RBP2: variants seen among roughly 807,000 people sequenced by gnomAD.
The protein encoded by RBP2 is retinol binding protein 2, also known as retinol-binding protein 2.
Under a neutral mutation model 17.0 loss-of-function variants are expected in RBP2, and 17 were observed. The ratio of observed to expected loss-of-function variants is 1.00; its 90% CI spans 0.68 to 1.50. The LOEUF is 1.50. Ranked by LOEUF, RBP2 falls within the 40% of genes most tolerant of loss-of-function variation. The pLI is 0.00. For synonymous variants in RBP2, 48 were observed against 57.1 expected (o/e 0.84, Z 0.72); for missense variants, 158 against 168.2 (o/e 0.94, Z 0.33).
chr3:139,453,272 A>C lies in RBP2; in HGVS notation c.355-106T>G, dbSNP rs932623162. 4.7e-6 allele frequency: 6 copies of C among 1,273,556 alleles called. No homozygotes were observed. In the East Asian group the frequency reaches 1.2e-4, roughly 25 times the overall value. 78.9% of individuals were successfully genotyped at this position (1,273,556 alleles called of 1,614,324 possible). Reference sequence around the variant, plus strand: ...GGTGGGAGGTTGGAATAAAGAGGACACTTAGGTATTCTGGGCAAAGTGCAT... The same window carrying C: ...GGTGGGAGGTTGGAATAAAGAGGACCCTTAGGTATTCTGGGCAAAGTGCAT... On this transcript the variant is annotated intron_variant, in intron 3 of 3. Transcript: ENST00000232217.
At chr3:139,475,092 C>T (rs764675000) in intron 1 of RBP2, among the ~76,000 whole-genome samples, 6 of 151,860 alleles carry the variant, frequency 4.0e-5, no homozygotes, top group East Asian at 3.9e-4. Context: ...GAGGCCGAGG[C>T]GGGTGGATCA....
chr3:139,464,180 C>T (rs1933284663), intron 1 of RBP2, among the ~76,000 whole-genome samples: 1 of 152,172 alleles, frequency 6.6e-6, no homozygotes, highest in African/African-American at 2.4e-5. Context: ...TTCTTTGGGT[C>T]TGGGCCTGGT....
chr3:139,473,790 G>A (rs1933640333), intron 1 of RBP2, among the ~76,000 whole-genome samples: 1 of 152,140 alleles, frequency 6.6e-6, no homozygotes, highest in Non-Finnish European at 1.5e-5. Context: ...ATGTTCCCAC[G>A]GCAGGTTGAG....
Position 139,469,687 on chromosome 3 carries a change from GTCTATCTATCTA to G in RBP2, c.73+6688_73+6699del, listed in dbSNP as rs543597083. On this transcript the variant is annotated intron_variant, in intron 1 of 3. Transcript: ENST00000232217. The stretch of plus-strand genomic sequence containing the variant: ...TATCTGTCTGTCTGTCTGTCTGTCT[GTCTATCTATCTA>G]TCTATCTATCTATCTATCTATCTAT... Among the ~76,000 whole-genome samples the G allele has an allele frequency of 2.5e-3, 336 of 132,976 alleles. 1 individual carries two copies. Among genetic ancestry groups the G allele is most frequent in the African/African-American group, 9.3e-3 (301 of 32,310 alleles). 87.2% of individuals were successfully genotyped at this position (132,976 alleles called of 152,430 possible). A position where few individuals can be genotyped will look rare whatever the true frequency, so the allele number is the denominator to read the frequency against.
intron 1 of RBP2, among the ~76,000 whole-genome samples, chr3:139,467,981 C>A (rs1278675819): frequency 6.6e-6 from 1 of 152,136 alleles, no homozygotes; most frequent in African/African-American, 2.4e-5. Context: ...CTTCTCCAGT[C>A]CTTTGTGCTA....
Position 139,476,418 on chromosome 3 carries a change from A to G in RBP2, c.42T>C (p.Asn14=). 1 of 1,613,320 alleles carries G rather than the reference A, an allele frequency of 6.2e-7. No individual in the cohort carries two copies. The highest frequency in any genetic ancestry group is 1.7e-5 in the Admixed American group (1 of 59,922). The stretch of plus-strand genomic sequence containing the variant: ...CCTTCATGTAGCCCTCAAAGTTTTC[A>G]TTACTCTCCATCTCCCAGGTTCCAT... ...DQNGTWEMES[N]ENFEGYMKAL... The change falls in exon 1 of 4, where the codon AAT becomes AAC. Residue 14 remains asparagine (N), a synonymous_variant. Coordinates refer to ENST00000232217, the MANE Select transcript of RBP2 (RefSeq NM_004164.3).
intron 2 of RBP2, among the ~76,000 whole-genome samples, chr3:139,456,678 G>T (rs546681316): frequency 6.6e-6 from 1 of 152,286 alleles, no homozygotes; most frequent in South Asian, 2.1e-4. Flanking sequence ...TTGTCCCTGA[G>T]GAGAGAACTT....
chr3:139,454,500 T>C (rs1202341141), intron 3 of RBP2, among the ~76,000 whole-genome samples: 1 of 152,232 alleles, frequency 6.6e-6, no homozygotes, highest in Non-Finnish European at 1.5e-5. Context: ...ACTCAGCATT[T>C]TGAACTTTCT....
At chr3:139,454,264 T>C (rs556804982) in intron 3 of RBP2, among the ~76,000 whole-genome samples, 1 of 152,326 alleles carries the variant, frequency 6.6e-6, no homozygotes, top group South Asian at 2.1e-4. Context: ...TAAAATATTT[T>C]GGGGTCAGAA....
chr3:139,465,208 G>A (rs1466412613), intron 1 of RBP2, among the ~76,000 whole-genome samples: 1 of 152,066 alleles, frequency 6.6e-6, no homozygotes, highest in African/African-American at 2.4e-5. Context: ...AGTTTTATGG[G>A]GATACATAGT....
At position 139,456,903 on chromosome 3, in the gene RBP2, C is replaced by T. The variant is rs557854910; in HGVS notation, c.253-2073G>A. Among the ~76,000 whole-genome samples the T allele has an allele frequency of 4.6e-5, 7 of 152,266 alleles. No individual in the cohort carries two copies. The East Asian group carries it at 1.4e-3, about 29-fold the overall frequency. On this transcript the variant is annotated intron_variant, in intron 2 of 3. Transcript: ENST00000232217. ...ATATTCATAGGTTGCCTTCCTTGCT[C>T]TTTTGGGAGGAAGATGTCTGGAATA...
rs1248968939 is a variant in RBP2 at position 139,464,618 on chromosome 3, G to A, written c.74-2328C>T. Among the ~76,000 whole-genome samples, 4 of 152,334 alleles carry A rather than the reference G, an allele frequency of 2.6e-5. No individual in the cohort carries two copies. The East Asian group carries it at 7.7e-4, about 29-fold the overall frequency. On this transcript the variant is annotated intron_variant, in intron 1 of 3. Transcript: ENST00000232217. ...TTAGACTCTAACTTGTATAAAGTCA[G>A]ATTTGAGCCTGACAGAACAATTTTA...
intron 1 of RBP2, among the ~76,000 whole-genome samples, chr3:139,464,877 C>T (rs775244346): frequency 1.3e-5 from 2 of 152,134 alleles, no homozygotes; most frequent in Non-Finnish European, 2.9e-5. Context: ...TGGGTCCTAT[C>T]CCAGACCTAG....
chr3:139,468,496 T>C (rs1933436892), intron 1 of RBP2, among the ~76,000 whole-genome samples: 1 of 152,210 alleles, frequency 6.6e-6, no homozygotes, highest in African/African-American at 2.4e-5. Flanking sequence ...CTCTTCTGGA[T>C]TGAAAAATGG....
chr3:139,476,510 G>C lies in RBP2; in HGVS notation c.-51C>G. The C allele has an allele frequency of 6.5e-7, 1 of 1,529,120 alleles. No homozygotes were observed. 94.7% of individuals were successfully genotyped at this position (1,529,120 alleles called of 1,614,324 possible). A position where few individuals can be genotyped will look rare whatever the true frequency, so the allele number is the denominator to read the frequency against. On this transcript the variant is annotated 5_prime_UTR_variant, in exon 1 of 4. Transcript: ENST00000232217. ...GTTTGTGGTGGATGGCAAGGAGCAG[G>C]CTGCAGGGAGAATACACTGGAATGA...
In RBP2 at chr3:139,452,966, C is replaced by T; in HGVS notation, c.*150G>A. ...AAGGAGGGGAATATGTCTATCACTG[C>T]TACATAGGCATTCTGTTTAAAACCC... is the stretch of plus-strand genomic sequence containing the variant. On this transcript the variant is annotated 3_prime_UTR_variant, in exon 4 of 4. Transcript: ENST00000232217. 1.3e-6 allele frequency: 1 copy of T among 773,076 alleles called. No individual in the cohort carries two copies. The highest frequency in any genetic ancestry group is 2.6e-5 in the East Asian group (1 of 38,714). 47.9% of individuals were successfully genotyped at this position (773,076 alleles called of 1,614,324 possible).
rs74482179 is a variant in RBP2 at position 139,464,462 on chromosome 3, A to T, written c.74-2172T>A. ...AGCGAGACTCCATCTCAAAAAAAAAAATCCTTCTTTGGTCACTATTACTCC... is the reference window on the plus strand; with the variant it reads ...AGCGAGACTCCATCTCAAAAAAAAATATCCTTCTTTGGTCACTATTACTCC... On this transcript the variant is annotated intron_variant, in intron 1 of 3. Transcript: ENST00000232217. Among the ~76,000 whole-genome samples the T allele has an allele frequency of 2.8e-3, 425 of 152,246 alleles. 10 individuals are homozygous for T. In the East Asian group the frequency reaches 0.064, roughly 23 times the overall value.
At chr3:139,472,759 G>C (rs1190421914) in intron 1 of RBP2, among the ~76,000 whole-genome samples, 1 of 152,176 alleles carries the variant, frequency 6.6e-6, no homozygotes, top group Non-Finnish European at 1.5e-5. Flanking sequence ...ATTAAATGAC[G>C]TGGTTGTTCC....
intron 1 of RBP2, among the ~76,000 whole-genome samples, chr3:139,467,001 A>G (rs1336357732): frequency 1.3e-5 from 2 of 152,144 alleles, no homozygotes; most frequent in Non-Finnish European, 2.9e-5. Context: ...AACAGTACTT[A>G]GCATTTCCCC....
Sources: allele counts gnomAD v4.1 joint callset (sites outside exome capture counted in the v4.1 genomes callset), GRCh38; gene constraint gnomAD v4.1.1; transcripts MANE v1.5; gene names NCBI Gene and HGNC (gene_info 2026-07-23, HGNC 2026-07-21).